Variants in PRR14L observed in about 807,000 individuals in gnomAD.
PRR14L encodes proline rich 14 like.
PRR14L carries 80 observed loss-of-function variants against 155.0 expected under a neutral mutation model. The ratio of observed to expected loss-of-function variants is 0.52; its 90% CI spans 0.43 to 0.62. The LOEUF is 0.62. PRR14L is among the 20% of genes least tolerant of loss of function. The probability of loss-of-function intolerance (pLI) is 0.00; values close to 1 mark genes in which losing one functional copy is unlikely to be tolerated. For synonymous variants in PRR14L, 883 were observed against 916.0 expected (o/e 0.96, Z 0.65); for missense variants, 2,469 against 2,548.0 (o/e 0.97, Z 0.67).
chr22:31,732,957 A>G (rs2074758093), intron 2 of PRR14L, among the ~76,000 whole-genome samples: 1 of 151,656 alleles, frequency 6.6e-6, no homozygotes. Context: ...AACCTTGTGT[A>G]TTAAGTATTG....
chr22:31,730,662 G>A (rs2074744298), intron 2 of PRR14L, among the ~76,000 whole-genome samples: 1 of 152,116 alleles, frequency 6.6e-6, no homozygotes, highest in South Asian at 2.1e-4. Context: ...ATCTTGTAGG[G>A]AAATACTTCG....
intron 1 of PRR14L, among the ~76,000 whole-genome samples, chr22:31,749,345 C>T (rs528609809): frequency 1.3e-5 from 2 of 152,278 alleles, no homozygotes; most frequent in African/African-American, 4.8e-5. Flanking sequence ...GAGGGTCTCT[C>T]TGTGGACATC....
At chr22:31,722,203 G>C in intron 3 of PRR14L, among the ~76,000 whole-genome samples, 1 of 151,986 alleles carries the variant, frequency 6.6e-6, no homozygotes, top group Non-Finnish European at 1.5e-5. Flanking sequence ...CCTGAGACGG[G>C]TGGATCACCT....
intron 7 of PRR14L, among the ~76,000 whole-genome samples, chr22:31,688,800 T>A (rs537553931): frequency 1.3e-5 from 2 of 152,160 alleles, no homozygotes; most frequent in Admixed American, 1.3e-4. Context: ...TCTTTTTTGT[T>A]TTTTTCTTTT....
chr22:31,700,994 T>C (rs1028791156), intron 7 of PRR14L, among the ~76,000 whole-genome samples: 6 of 151,736 alleles, frequency 4.0e-5, no homozygotes, highest in African/African-American at 1.5e-4. Context: ...TTGGCGATTT[T>C]TTTTTTTTTT....
chr22:31,704,790 A>C, intron 4 of PRR14L, 64 bp from the exon 5 acceptor site: 1 of 1,289,280 alleles, frequency 7.8e-7, no homozygotes, highest in South Asian at 1.2e-5. Context: ...AAAGGTTTTG[A>C]TGTTATTGTG....
intron 1 of PRR14L, among the ~76,000 whole-genome samples, chr22:31,739,195 A>C (rs1437966631): frequency 1.3e-5 from 2 of 152,246 alleles, no homozygotes; most frequent in Non-Finnish European, 2.9e-5. Context: ...GAAGAGAATA[A>C]GACATGCCTA....
intron 1 of PRR14L, among the ~76,000 whole-genome samples, chr22:31,749,714 G>C (rs1327024339): frequency 6.6e-6 from 1 of 152,222 alleles, no homozygotes; most frequent in East Asian, 1.9e-4. Context: ...GAGGAGATAA[G>C]TTGGGGGATC....
At chr22:31,744,586 T>C (rs1251432179) in intron 1 of PRR14L, among the ~76,000 whole-genome samples, 21 of 152,198 alleles carry the variant, frequency 1.4e-4, no homozygotes. Flanking sequence ...TGCTGATTCT[T>C]AATCCTGTTG....
In PRR14L at chr22:31,714,408, T is replaced by C; in HGVS notation, c.3431A>G (p.Glu1144Gly). 6.4e-7 allele frequency: 1 copy of C among 1,551,648 alleles called. No homozygotes were observed. Among genetic ancestry groups the C allele is most frequent in the Non-Finnish European group, 8.7e-7 (1 of 1,146,990 alleles). Reference sequence around the variant, plus strand: ...ACAAGAGTCTGGACACTTTTCCATTTCACAGTCTTTTAAAGATCTGCATAC... The same window carrying C: ...ACAAGAGTCTGGACACTTTTCCATTCCACAGTCTTTTAAAGATCTGCATAC... ...ENVCRSLKDC[E>G]MEKCPDSCAH... The change falls in exon 4 of 9, where the codon GAA (glutamate) becomes GGA (glycine). Residue 1144 changes from glutamate (E) to glycine (G), a missense_variant. By Grantham distance (98) the Glu-to-Gly change is moderately conservative. Coordinates refer to ENST00000327423, the MANE Select transcript of PRR14L (RefSeq NM_173566.3).
intron 2 of PRR14L, among the ~76,000 whole-genome samples, chr22:31,731,507 G>A (rs1448122884): frequency 6.9e-6 from 1 of 145,572 alleles, no homozygotes; most frequent in Non-Finnish European, 1.5e-5. Flanking sequence ...GGAGGAGGTT[G>A]CAGCGAGCCA....
chr22:31,688,385 G>T (rs2074493366), intron 7 of PRR14L, among the ~76,000 whole-genome samples, 158 bp from the exon 8 acceptor site: 1 of 151,176 alleles, frequency 6.6e-6, no homozygotes, highest in African/African-American at 2.4e-5. Context: ...CTCCTGAGTA[G>T]CTGGGATTAC....
At chr22:31,748,223 A>G (rs960241802) in intron 1 of PRR14L, among the ~76,000 whole-genome samples, 1 of 152,174 alleles carries the variant, frequency 6.6e-6, no homozygotes. Context: ...TCCCTCCAAG[A>G]GGGAATTTGG....
chr22:31,746,080 G>A (rs931305617), intron 1 of PRR14L, among the ~76,000 whole-genome samples: 1 of 151,802 alleles, frequency 6.6e-6, no homozygotes, highest in African/African-American at 2.4e-5. Flanking sequence ...CAGGCGCGAG[G>A]CAGTGAACCC....
At position 31,717,159 on chromosome 22, in the gene PRR14L, C is replaced by T. The variant is rs78367652; in HGVS notation, c.680G>A (p.Gly227Glu). Residue 227 changes from glycine (G) to glutamate (E), a missense_variant, in exon 4 of 9, where the codon GGA becomes GAA. Gly to Glu is a moderately conservative substitution (Grantham distance 98). This residue lies in a region of PRR14L where 2,363 missense variants were observed against 2,371.6 expected (regional missense o/e 1.00). Transcript: ENST00000327423. ...NGNVSKDLSA[G>E]CGEFQEVDKI... ...GTCTACTTCTTGGAATTCACCGCAT[C>T]CAGCTGAGAGATCTTTACTCACATT... 6 of 1,552,322 alleles carry T rather than the reference C, an allele frequency of 3.9e-6. No homozygotes were observed. The highest frequency in any genetic ancestry group is 5.2e-6 in the Non-Finnish European group (6 of 1,147,128).
chr22:31,700,889 C>T (rs2074559601), intron 7 of PRR14L, among the ~76,000 whole-genome samples: 1 of 151,988 alleles, frequency 6.6e-6, no homozygotes, highest in Admixed American at 6.6e-5. Flanking sequence ...AATTCTTATT[C>T]ATATTTTACA....
At position 31,713,622 on chromosome 22, in the gene PRR14L, AT is replaced by A; in HGVS notation, c.4216del (p.Ile1406TyrfsTer20). The A allele has an allele frequency of 6.4e-7, 1 of 1,551,890 alleles. No individual in the cohort carries two copies. Among genetic ancestry groups the A allele is most frequent in the African/African-American group, 1.4e-5 (1 of 73,126 alleles). On this transcript the variant is annotated frameshift_variant, in exon 4 of 9. Transcript: ENST00000327423. LOFTEE classifies it high-confidence loss of function. ...TATCGTATGTGCTTTTTGTTGACGT[AT>A]ATATTTCTCTTCTTTCTGCAACATG... ...DYMLQKEEKYIRQQKAHTISQ... is the reference protein window; with the variant it reads ...DYMLQKEEKYXRQQKAHTISQ...
intron 2 of PRR14L, 67 bp downstream of exon 2, chr22:31,738,320 C>T (rs2147876009): frequency 7.9e-7 from 1 of 1,272,630 alleles, no homozygotes; most frequent in East Asian, 2.5e-5. Context: ...CCGTCAGCAT[C>T]TGTATTTTAT....
intron 1 of PRR14L, among the ~76,000 whole-genome samples, chr22:31,740,264 G>T (rs999425720): frequency 6.6e-6 from 1 of 152,050 alleles, no homozygotes; most frequent in Non-Finnish European, 1.5e-5. Context: ...CTGTCACCCA[G>T]GCTGGAGTGC....
Sources: gnomAD v4.1 joint callset for allele counts (sites outside exome capture counted in the v4.1 genomes callset) on GRCh38, gnomAD v4.1.1 for gene constraint, gnomAD v4.1.1 regional missense constraint, MANE v1.5 for transcripts, NCBI Gene and HGNC (gene_info 2026-07-23, HGNC 2026-07-21) for gene names.